Variants in AUTS2 observed in about 807,000 individuals in gnomAD.
AUTS2 encodes activator of transcription and developmental regulator AUTS2.
A neutral mutation model predicts 112.4 loss-of-function variants in AUTS2; 17 were observed. That is an observed-to-expected ratio of 0.15 (90% CI 0.10 to 0.23). AUTS2 has a LOEUF of 0.23. Among genes scored for constraint, AUTS2 ranks in the 10% least tolerant of loss-of-function variants. The probability of loss-of-function intolerance (pLI) is 1.00; values close to 1 mark genes in which losing one functional copy is unlikely to be tolerated. For synonymous variants in AUTS2, 751 were observed against 702.7 expected, an observed-to-expected ratio of 1.07 and a Z score of -1.09; for missense variants, 1,510 against 1,701.6, an observed-to-expected ratio of 0.89 and a Z score of 1.98.
intron 4 of AUTS2, among the ~76,000 whole-genome samples, chr7:70,213,640 A>G (rs919598631): frequency 2.6e-5 from 4 of 152,150 alleles, no homozygotes; most frequent in Non-Finnish European, 5.9e-5. Context: ...TTTGTTGCCT[A>G]AATTAGGGAT....
chr7:70,764,721 T>A (rs2129557242), intron 7 of AUTS2, 31 bp from the exon 8 acceptor site: 1 of 719,670 alleles, frequency 1.4e-6, no homozygotes, highest in Admixed American at 2.0e-5. Context: ...TTTTTTATTT[T>A]TTTCTTTTCT....
intron 4 of AUTS2, among the ~76,000 whole-genome samples, chr7:70,168,552 G>C (rs1205181648): frequency 6.6e-6 from 1 of 152,272 alleles, no homozygotes; most frequent in East Asian, 1.9e-4. Context: ...CTGAACCTGA[G>C]GTGACCTGCC....
intron 4 of AUTS2, among the ~76,000 whole-genome samples, chr7:70,415,506 A>G (rs1162904647): frequency 6.6e-6 from 1 of 152,242 alleles, no homozygotes; most frequent in African/African-American, 2.4e-5. Context: ...TCATTGAAAT[A>G]GGAAAAACAC....
intron 1 of AUTS2, among the ~76,000 whole-genome samples, chr7:69,793,166 C>T (rs750547981): frequency 6.6e-6 from 1 of 152,140 alleles, no homozygotes; most frequent in African/African-American, 2.4e-5. Context: ...GTTTGCACTC[C>T]AGGCCTACTA....
chr7:69,618,298 A>G (rs1175867053), intron 1 of AUTS2, among the ~76,000 whole-genome samples: 1 of 152,200 alleles, frequency 6.6e-6, no homozygotes, highest in Non-Finnish European at 1.5e-5. Context: ...CCAACTTGTC[A>G]CAACCCACTT....
At chr7:69,911,193 T>C (rs1795341381) in intron 2 of AUTS2, among the ~76,000 whole-genome samples, 1 of 152,186 alleles carries the variant, frequency 6.6e-6, no homozygotes, top group East Asian at 1.9e-4. Flanking sequence ...CCAGAACAGG[T>C]GCTGGCTCCA....
intron 1 of AUTS2, among the ~76,000 whole-genome samples, chr7:69,740,955 A>G (rs1302622089): frequency 6.6e-6 from 1 of 152,120 alleles, no homozygotes; most frequent in Non-Finnish European, 1.5e-5. Context: ...ATGGGCTTGG[A>G]TAGTTCTAGC....
chr7:69,625,701 T>G (rs1052395773), intron 1 of AUTS2, among the ~76,000 whole-genome samples: 1 of 151,844 alleles, frequency 6.6e-6, no homozygotes, highest in African/African-American at 2.4e-5. Context: ...CTATAAAAAA[T>G]TTAAAAATTA....
At chr7:70,367,830 G>A (rs1242695375) in intron 4 of AUTS2, among the ~76,000 whole-genome samples, 3 of 152,168 alleles carry the variant, frequency 2.0e-5, no homozygotes, top group Non-Finnish European at 4.4e-5. Context: ...AGCTATTATA[G>A]AAGGCCACTG....
At chr7:69,797,386 G>A (rs1789892074) in intron 1 of AUTS2, among the ~76,000 whole-genome samples, 1 of 152,162 alleles carries the variant, frequency 6.6e-6, no homozygotes, top group Non-Finnish European at 1.5e-5. Flanking sequence ...CTGATCTTGG[G>A]CTGCTGTGCT....
chr7:70,407,776 C>T (rs192334498), intron 4 of AUTS2, among the ~76,000 whole-genome samples: 48 of 151,998 alleles, frequency 3.2e-4, no homozygotes, highest in African/African-American at 1.2e-3. Context: ...AAAAATGGGC[C>T]GGGCGTGATG....
At chr7:69,699,560 T>C (rs1451320372) in intron 1 of AUTS2, among the ~76,000 whole-genome samples, 1 of 152,138 alleles carries the variant, frequency 6.6e-6, no homozygotes, top group African/African-American at 2.4e-5. Flanking sequence ...TGTATAGCTG[T>C]ACCATAATTT....
intron 5 of AUTS2, among the ~76,000 whole-genome samples, chr7:70,687,610 G>T (rs1296503199): frequency 2.6e-5 from 4 of 152,158 alleles, no homozygotes; most frequent in Non-Finnish European, 5.9e-5. Context: ...AACTAATCCA[G>T]TTCAGTTTAT....
intron 4 of AUTS2, among the ~76,000 whole-genome samples, chr7:70,143,555 G>C (rs544924017): frequency 6.6e-6 from 1 of 152,140 alleles, no homozygotes. Flanking sequence ...AATTAGCTTC[G>C]CTAACAGCCA....
At chr7:70,722,333 T>C (rs747996355) in intron 6 of AUTS2, among the ~76,000 whole-genome samples, 37 of 152,146 alleles carry the variant, frequency 2.4e-4, no homozygotes, top group Non-Finnish European at 4.7e-4. Flanking sequence ...CTTAGATTTT[T>C]TGTGGGGGTA....
At chr7:69,671,507 G>GTT in intron 1 of AUTS2, among the ~76,000 whole-genome samples, 1 of 151,796 alleles carries the variant, frequency 6.6e-6, no homozygotes, top group East Asian at 1.9e-4. Context: ...GTGTGTGTGT[G>GTT]TGTGTGTGTG....
rs144825985 is a variant in AUTS2 at position 69,655,385 on chromosome 7, T to TTTG, written c.309+55444_309+55446dup. Among the ~76,000 whole-genome samples, 99 of 151,502 alleles carry TTTG rather than the reference T, an allele frequency of 6.5e-4. 1 individual carries two copies. Among genetic ancestry groups the TTTG allele is most frequent in the Admixed American group, 1.2e-3 (19 of 15,226 alleles). On this transcript the variant is annotated intron_variant, in intron 1 of 18. Coordinates refer to ENST00000342771, the MANE Select transcript of AUTS2 (RefSeq NM_015570.4). ...AAACAATTACCTGACTTTCTAGTTT[T>TTTG]TTGTTGTTGTTGTTGTTGTTGTTTT...
intron 2 of AUTS2, among the ~76,000 whole-genome samples, chr7:70,079,611 AATATCC>A (rs1430523119): frequency 6.6e-6 from 1 of 152,164 alleles, no homozygotes; most frequent in East Asian, 1.9e-4. Context: ...ACATTTTACT[AATATCC>A]ATGACCTTGA....
intron 4 of AUTS2, among the ~76,000 whole-genome samples, chr7:70,150,834 G>C (rs1471781425): frequency 6.6e-6 from 1 of 152,188 alleles, no homozygotes; most frequent in East Asian, 1.9e-4. Context: ...TTCATGAAAA[G>C]AGTTGGGCTT....
Sources: gnomAD v4.1 joint callset for allele counts (sites outside exome capture counted in the v4.1 genomes callset) on GRCh38, gnomAD v4.1.1 for gene constraint, MANE v1.5 for transcripts, NCBI Gene and HGNC (gene_info 2026-07-23, HGNC 2026-07-21) for gene names.